Variants in KLF13 observed in about 807,000 individuals in gnomAD.
The protein encoded by KLF13 is Krueppel-like factor 13.
KLF13 carries 8 observed loss-of-function variants against 16.7 expected under a neutral mutation model. That is an observed-to-expected ratio of 0.48 (90% CI 0.28 to 0.87). The LOEUF (loss-of-function observed/expected upper bound fraction) is 0.87, where lower values mean the gene tolerates loss of function less well. Ranked by LOEUF, KLF13 falls within the 40% of genes least tolerant of loss-of-function variation. The probability of loss-of-function intolerance (pLI) is 0.10; values close to 1 mark genes in which losing one functional copy is unlikely to be tolerated. For missense variants in KLF13, 447 were observed against 452.2 expected, an observed-to-expected ratio of 0.99 and a Z score of 0.10; for synonymous variants, 245 against 208.4, an observed-to-expected ratio of 1.18 and a Z score of -1.51.
intron 1 of KLF13, among the ~76,000 whole-genome samples, chr15:31,363,499 T>C (rs1424075800): frequency 6.6e-6 from 1 of 152,242 alleles, no homozygotes; most frequent in Non-Finnish European, 1.5e-5. Context: ...GATTGATTGA[T>C]TGATTGAGAC....
upstream of KLF13, among the ~76,000 whole-genome samples, chr15:31,387,962 G>T (rs1247543350): frequency 6.6e-6 from 1 of 152,202 alleles, no homozygotes; most frequent in Non-Finnish European, 1.5e-5. Context: ...AAACAGCATG[G>T]AATAAAAATA....
chr15:31,327,474 G>A lies in KLF13; in HGVS notation c.262G>A (p.Ala88Thr). ...PAPAERREGA[A>T]ARKARTPCRL... ...CCCGGCGGAGCGCAGGGAGGGCGCC[G>A]CGGCCCGGAAGGCGAGGACCCCCTG... The change falls in exon 1 of 2, where the codon GCG becomes ACG. Residue 88 changes from alanine (A) to threonine (T), a missense_variant. By Grantham distance (58) the Ala-to-Thr change is moderately conservative. This residue lies in a region of KLF13 where 359 missense variants were observed against 282.8 expected (regional missense o/e 1.27). Transcript: ENST00000307145. The A allele has an allele frequency of 1.7e-6, 2 of 1,208,664 alleles. No individual in the cohort carries two copies. Among genetic ancestry groups the A allele is most frequent in the Non-Finnish European group, 2.1e-6 (2 of 973,312 alleles). 74.9% of individuals were successfully genotyped at this position (1,208,664 alleles called of 1,614,324 possible).
At chr15:31,420,131 G>T in intron 1 of KLF13, 1 of 411,670 alleles carries the variant, frequency 2.4e-6, no homozygotes. Flanking sequence ...CAGCCAAGTG[G>T]TCTCCCAAGA....
At chr15:31,346,943 G>C (rs1009907888) in intron 1 of KLF13, among the ~76,000 whole-genome samples, 57 of 152,168 alleles carry the variant, frequency 3.7e-4, no homozygotes, top group African/African-American at 1.4e-3. Flanking sequence ...GGCAGCGTAG[G>C]GTCCTGAGTC....
intron 2 of KLF13, among the ~76,000 whole-genome samples, chr15:31,396,182 C>A (rs369290713): frequency 6.6e-6 from 1 of 152,134 alleles, no homozygotes; most frequent in Non-Finnish European, 1.5e-5. Flanking sequence ...TGCGCTACCA[C>A]GCCCGGCTAA....
At chr15:31,346,168 C>T (rs186279945) in intron 1 of KLF13, among the ~76,000 whole-genome samples, 2 of 152,136 alleles carry the variant, frequency 1.3e-5, no homozygotes, top group South Asian at 4.2e-4. Flanking sequence ...GGTCAATGAT[C>T]TTGACTCTGT....
chr15:31,404,860 T>G (rs1298850796), downstream of KLF13: 1 of 152,320 alleles, frequency 6.6e-6, no homozygotes, highest in Non-Finnish European at 1.5e-5. Flanking sequence ...GGCTGCAAGG[T>G]TAGGGTCCAC....
At chr15:31,410,136 G>C (rs930542789) in intron 1 of KLF13, among the ~76,000 whole-genome samples, 1 of 152,064 alleles carries the variant, frequency 6.6e-6, no homozygotes, top group African/African-American at 2.4e-5. Flanking sequence ...ATAACAATAA[G>C]CTCCTTATAC....
chr15:31,389,886 C>T (rs915203037), upstream of KLF13, among the ~76,000 whole-genome samples: 3 of 152,146 alleles, frequency 2.0e-5, no homozygotes, highest in Admixed American at 6.5e-5. Flanking sequence ...CCACCACCAC[C>T]GTCTCCAACC....
upstream of KLF13, among the ~76,000 whole-genome samples, chr15:31,392,404 G>T (rs546383075): frequency 1.8e-3 from 278 of 152,298 alleles, 2 homozygotes; most frequent in African/African-American, 6.2e-3. Flanking sequence ...ACGGGGCGGC[G>T]GTGCTGAGCC....
chr15:31,409,098 A>G (rs949550445), downstream of KLF13, among the ~76,000 whole-genome samples: 1 of 152,160 alleles, frequency 6.6e-6, no homozygotes, highest in Non-Finnish European at 1.5e-5. Flanking sequence ...CAGCCTGGCC[A>G]ATGTGGCGAA....
chr15:31,372,227 G>A lies in KLF13; in HGVS notation c.795G>A (p.Arg265=), dbSNP rs745619743. The A allele has an allele frequency of 6.3e-7, 1 of 1,595,220 alleles. No homozygotes were observed. The highest frequency in any genetic ancestry group is 1.1e-5 in the South Asian group (1 of 90,084). The change falls in exon 2 of 2, where the codon CGG becomes CGA. Residue 265 remains arginine, a synonymous_variant. Transcript: ENST00000307145. ...TGCAGCGGCGCGGCGGGGGCTCGCG[G>A]ACCGGCTCCCTCAGCGACTACAGCC... ...GMLQRRGGGS[R]TGSLSDYSRS... is the part of the protein sequence containing the mutation.
In KLF13 at chr15:31,413,141, A is replaced by T. The variant is rs1044169395; in HGVS notation, n.117+19450A>T. On this transcript the variant is annotated intron_variant and non_coding_transcript_variant, in intron 1 of 1. Coordinates refer to the KLF13 transcript ENST00000558225. ...AGAAAGAGAGTGCTAACAATACCAC[A>T]GTCAGCTCATTATTCAAGTTGAAGA... 2.0e-5 allele frequency among the ~76,000 whole-genome samples: 3 copies of T among 148,450 alleles called. No individual in the cohort carries two copies. The East Asian group carries it at 6.2e-4, about 31-fold the overall frequency.
At chr15:31,407,365 T>C, downstream of KLF13, among the ~76,000 whole-genome samples, 1 of 152,062 alleles carries the variant, frequency 6.6e-6, no homozygotes, top group East Asian at 1.9e-4. Flanking sequence ...CATTTTGCCA[T>C]GAACTACGAG....
In KLF13 at chr15:31,365,527, G is replaced by T. The variant is rs185317902; in HGVS notation, c.578-6483G>T. On this transcript the variant is annotated intron_variant, in intron 1 of 1. Transcript: ENST00000307145. ...CGGGCATTGGAAACATTGCAAAAAT[G>T]ACCACTCAACAGGCTTCCCACAGGA... 5.5e-4 allele frequency among the ~76,000 whole-genome samples: 81 copies of T among 146,094 alleles called. 2 individuals carry two copies. In the East Asian group the frequency reaches 0.013, roughly 24 times the overall value.
intron 1 of KLF13, among the ~76,000 whole-genome samples, chr15:31,422,741 G>T (rs1302556344): frequency 1.3e-5 from 2 of 152,030 alleles, no homozygotes; most frequent in Admixed American, 1.3e-4. Context: ...AACAATAAAA[G>T]AATCAATTTT....
intron 1 of KLF13, among the ~76,000 whole-genome samples, chr15:31,367,824 G>A (rs901591262): frequency 1.3e-5 from 2 of 152,208 alleles, no homozygotes; most frequent in Non-Finnish European, 2.9e-5. Flanking sequence ...TGGACCCCCC[G>A]CATGAGGACG....
chr15:31,351,802 G>A (rs1247672389), intron 1 of KLF13, among the ~76,000 whole-genome samples: 4 of 152,112 alleles, frequency 2.6e-5, no homozygotes, highest in Admixed American at 1.3e-4. Context: ...TTGAGGTCAG[G>A]AGTTCAAGAC....
intron 1 of KLF13, among the ~76,000 whole-genome samples, chr15:31,427,383 T>C (rs2040412425): frequency 6.6e-6 from 1 of 151,206 alleles, no homozygotes; most frequent in Non-Finnish European, 1.5e-5. Flanking sequence ...TTGGCAAGAA[T>C]GTAGAAAAAT....
Sources: allele counts gnomAD v4.1 joint callset (sites outside exome capture counted in the v4.1 genomes callset), GRCh38; gene constraint gnomAD v4.1.1; regional missense constraint gnomAD v4.1.1; transcripts MANE v1.5; gene names NCBI Gene and HGNC (gene_info 2026-07-23, HGNC 2026-07-21).